MTRF1L: variants seen among roughly 807,000 people sequenced by gnomAD.
MTRF1L encodes the protein peptide chain release factor 1-like, mitochondrial.
In MTRF1L, 29 loss-of-function variants were observed where a neutral mutation model predicts 40.0. The observed-to-expected ratio is 0.73, with a 90% confidence interval of 0.54 to 0.99. MTRF1L has a LOEUF of 0.99. Among genes scored for constraint, MTRF1L ranks in the 50% least tolerant of loss-of-function variants. MTRF1L has a pLI of 0.00. For synonymous variants in MTRF1L, 150 were observed against 175.8 expected, an observed-to-expected ratio of 0.85 and a Z score of 1.16; for missense variants, 412 against 464.5, an observed-to-expected ratio of 0.89 and a Z score of 1.04.
In MTRF1L at chr6:153,002,668, C is replaced by A. The variant is rs187142891; in HGVS notation, c.18G>T (p.Leu6=). Residue 6 remains leucine, a synonymous_variant, in exon 1 of 7, where the codon CTG becomes CTT. Coordinates refer to ENST00000367233, the MANE Select transcript of MTRF1L (RefSeq NM_019041.7). ...GCCAGAGCCACCGGGCAGCGCCCCA[C>A]AGAACCCGGGACCGCATCCTTAGTC... is the stretch of plus-strand genomic sequence containing the variant. The part of the protein sequence containing the change: MRSRV[L]WGAARWLWPR... 1 of 1,499,510 alleles carries A rather than the reference C, an allele frequency of 6.7e-7. No individual in the cohort carries two copies. Among genetic ancestry groups the A allele is most frequent in the South Asian group, 1.3e-5 (1 of 75,884 alleles). 92.9% of individuals were successfully genotyped at this position (1,499,510 alleles called of 1,614,324 possible).
intron 2 of MTRF1L, among the ~76,000 whole-genome samples, chr6:152,996,860 C>G (rs1778731959): frequency 6.6e-6 from 1 of 152,152 alleles, no homozygotes; most frequent in African/African-American, 2.4e-5. Context: ...AGCTCACAGT[C>G]TACTATCACT....
intron 6 of MTRF1L, chr6:152,990,333 G>A (rs752980046): frequency 1.3e-4 from 74 of 556,660 alleles, no homozygotes; most frequent in Middle Eastern, 1.0e-3. Context: ...CTATGACCTC[G>A]GGCAACTTAG....
chr6:152,990,390 A>T (rs1022418256), intron 6 of MTRF1L: 11 of 319,000 alleles, frequency 3.4e-5, no homozygotes, highest in Admixed American at 3.3e-4. Context: ...TGATGATGAC[A>T]ATAGAGCCTG....
At chr6:152,991,428 G>A in intron 5 of MTRF1L, 107 bp from the exon 6 acceptor site, 1 of 1,257,086 alleles carries the variant, frequency 8.0e-7, no homozygotes, top group Non-Finnish European at 1.1e-6. Context: ...TTTATGAGGG[G>A]AAAAAACAGA....
Position 152,992,940 on chromosome 6 carries a change from A to C in MTRF1L, c.722T>G (p.Ile241Ser). ...AGCTCCACTGGCTCGCTTAGTGTCA[A>C]TTCTCAAATCTTTCGGATTAATCAC... ...NLVINPKDLRIDTKRASGAGG... is the reference protein window; with the variant it reads ...NLVINPKDLRSDTKRASGAGG... The change falls in exon 5 of 7, where the codon ATT becomes AGT. Residue 241 changes from isoleucine to serine, a missense_variant. By Grantham distance (142) the Ile-to-Ser change is moderately radical. Transcript: ENST00000367233. The C allele has an allele frequency of 6.2e-7, 1 of 1,613,298 alleles. No homozygotes were observed. Among genetic ancestry groups the C allele is most frequent in the Middle Eastern group, 1.8e-4 (1 of 5,410 alleles).
At chr6:153,001,739 T>G (rs1460208875) in intron 1 of MTRF1L, among the ~76,000 whole-genome samples, 1 of 152,222 alleles carries the variant, frequency 6.6e-6, no homozygotes, top group Non-Finnish European at 1.5e-5. Context: ...TCACCATTTC[T>G]TCTTTGGATT....
chr6:152,995,106 T>G (rs957719569), intron 3 of MTRF1L, 30 bp downstream of exon 3: 7 of 1,560,372 alleles, frequency 4.5e-6, no homozygotes, highest in Non-Finnish European at 5.2e-6. Context: ...CTAAACACTT[T>G]ACCTGAAACA....
intron 1 of MTRF1L, 101 bp downstream of exon 1, chr6:153,002,326 G>A (rs1778948776): frequency 1.3e-6 from 2 of 1,563,952 alleles, no homozygotes; most frequent in Admixed American, 1.7e-5. Context: ...ACGGCTGCAA[G>A]TGAGTAAAGA....
At chr6:153,002,277 A>G in intron 1 of MTRF1L, 150 bp downstream of exon 1, 1 of 1,203,564 alleles carries the variant, frequency 8.3e-7, no homozygotes, top group African/African-American at 1.5e-5. Flanking sequence ...ATGGGATCAC[A>G]GCACGTAATG....
At position 152,989,720 on chromosome 6, in the gene MTRF1L, T is replaced by C. The variant is rs1185053162; in HGVS notation, c.*175A>G. On this transcript the variant is annotated 3_prime_UTR_variant, in exon 7 of 7. Transcript: ENST00000367233. ...CGAGGACCATCTGTATATTGTATGA[T>C]TTTTGCTAATGCATTGAGAGAGATC... 1.4e-5 allele frequency: 9 copies of C among 637,870 alleles called. No individual in the cohort carries two copies. Among genetic ancestry groups the C allele is most frequent in the Non-Finnish European group, 2.3e-5 (9 of 387,754 alleles). The allele number at this position is 637,870 out of a possible 1,614,324, so 39.5% of individuals were successfully genotyped here.
In MTRF1L at chr6:152,990,207, G is replaced by A. The variant is rs1778458379; in HGVS notation, c.943-112C>T. On this transcript the variant is annotated intron_variant, in intron 6 of 6. Coordinates refer to ENST00000367233, the MANE Select transcript of MTRF1L (RefSeq NM_019041.7). ...GATTTATAACATGAATCAAATGCGA[G>A]AACCAGGTTTTAAACACTTAGAATC... 5 of 1,407,308 alleles carry A rather than the reference G, an allele frequency of 3.6e-6. No individual in the cohort carries two copies. In the South Asian group the frequency reaches 5.9e-5, roughly 16 times the overall value. 87.2% of individuals were successfully genotyped at this position (1,407,308 alleles called of 1,614,324 possible). A position where few individuals can be genotyped will look rare whatever the true frequency, so the allele number is the denominator to read the frequency against.
intron 4 of MTRF1L, among the ~76,000 whole-genome samples, chr6:152,993,262 C>T (rs1378731094): frequency 1.3e-5 from 2 of 152,096 alleles, no homozygotes; most frequent in South Asian, 4.1e-4. Context: ...AACAGCAGAA[C>T]TTGATACTAT....
At position 152,997,334 on chromosome 6, in the gene MTRF1L, G is replaced by A. The variant is rs1382050307; in HGVS notation, c.339+1216C>T. On this transcript the variant is annotated intron_variant, in intron 2 of 6. Transcript: ENST00000367233. ...CAACTGGTTCAGCTTATAAAATTCT[G>A]ACAAAAAAATTAAAGGTGAGCAAAC... Among the ~76,000 whole-genome samples, 3 of 152,154 alleles carry A rather than the reference G, an allele frequency of 2.0e-5. No homozygotes were observed. In the East Asian group the frequency reaches 5.8e-4, roughly 29 times the overall value.
rs1020487767 is a variant in MTRF1L, at chr6:153,002,330, G to A, written c.259+97C>T. ...CCAAAATAAAAACGGCTGCAAGTGA[G>A]TAAAGAGTTTCAAACTCGGGTAGTG... On this transcript the variant is annotated intron_variant, in intron 1 of 6. Transcript: ENST00000367233. 2.0e-5 allele frequency: 31 copies of A among 1,578,290 alleles called. No individual in the cohort carries two copies. In the African/African-American group the frequency reaches 4.1e-4, roughly 21 times the overall value.
At chr6:152,994,420 T>TA in intron 4 of MTRF1L, 93 bp downstream of exon 4, 1 of 1,314,492 alleles carries the variant, frequency 7.6e-7, no homozygotes, top group South Asian at 1.7e-5. Flanking sequence ...GAAGACCAAA[T>TA]AGATACTCAA....
At chr6:152,999,470 T>A (rs1025163135) in intron 1 of MTRF1L, among the ~76,000 whole-genome samples, 18 of 152,174 alleles carry the variant, frequency 1.2e-4, no homozygotes, top group Admixed American at 1.2e-3. Flanking sequence ...TTTCCTTATA[T>A]TTTTCTAGAA....
chr6:152,991,539 GTCTT>G (rs749836591), intron 5 of MTRF1L: 39 of 419,302 alleles, frequency 9.3e-5, no homozygotes, highest in Admixed American at 2.4e-4. Context: ...ATAGCACAAA[GTCTT>G]TCTTTCTTTC....
Position 153,002,706 on chromosome 6 carries a change from C to G in MTRF1L, c.-21G>C, listed in dbSNP as rs1444193769. 2 of 1,466,076 alleles carry G rather than the reference C, an allele frequency of 1.4e-6. No homozygotes were observed. Among genetic ancestry groups the G allele is most frequent in the South Asian group, 2.9e-5 (2 of 69,696 alleles). The allele number at this position is 1,466,076 out of a possible 1,614,324, so 90.8% of individuals were successfully genotyped here. On this transcript the variant is annotated 5_prime_UTR_variant, in exon 1 of 7. Coordinates refer to ENST00000367233, the MANE Select transcript of MTRF1L (RefSeq NM_019041.7). Reference sequence around the variant, plus strand: ...CGCATCCTTAGTCCGAGATCGCGGACCCTGACCGGAACCGGAAGTTCCGGA... The same window carrying G: ...CGCATCCTTAGTCCGAGATCGCGGAGCCTGACCGGAACCGGAAGTTCCGGA...
chr6:152,990,866 A>G (rs1217110784), intron 6 of MTRF1L, among the ~76,000 whole-genome samples: 2 of 152,164 alleles, frequency 1.3e-5, no homozygotes, highest in African/African-American at 4.8e-5. Flanking sequence ...CAGGAAGAAA[A>G]AAACAGGAAG....
Sources: allele counts gnomAD v4.1 joint callset (sites outside exome capture counted in the v4.1 genomes callset), GRCh38; gene constraint gnomAD v4.1.1; transcripts MANE v1.5; gene names NCBI Gene and HGNC (gene_info 2026-07-23, HGNC 2026-07-21).